The following CEP63 variants were observed in gnomAD, a reference collection of about 807,000 sequenced individuals.
CEP63 encodes centrosomal protein of 63 kDa.
In CEP63, 84 loss-of-function variants were observed where a neutral mutation model predicts 89.1. The observed-to-expected ratio is 0.94, with a 90% CI of 0.79 to 1.13. The LOEUF is 1.13. Among genes scored for constraint, CEP63 ranks in the 50% most tolerant of loss-of-function variants. The probability of loss-of-function intolerance (pLI) is 0.00; values close to 1 mark genes in which losing one functional copy is unlikely to be tolerated. For synonymous variants in CEP63, 267 were observed against 272.5 expected (o/e 0.98, Z 0.20); for missense variants, 838 against 813.3 (o/e 1.03, Z -0.37).
At chr3:134,725,144 T>C in the CEP63 span, among the ~76,000 whole-genome samples, 2 of 152,232 alleles carry the variant, frequency 1.3e-5, no homozygotes, top group Non-Finnish European at 2.9e-5. Flanking sequence ...TTTTAAAATA[T>C]ATAATTTTTC....
At chr3:134,575,116 C>CTTCCTTCCTTCCTTCT (rs1553797524), downstream of CEP63, 251 of 274,836 alleles carry the variant, frequency 9.1e-4, 1 homozygote, top group African/African-American at 4.9e-3. Context: ...AAGATAACTC[C>CTTCCTTCCTTCCTTCT]TTCCTTCCTT....
At chr3:134,644,338 C>T in the CEP63 span, among the ~76,000 whole-genome samples, 1 of 152,232 alleles carries the variant, frequency 6.6e-6, no homozygotes, top group African/African-American at 2.4e-5. Context: ...GGAGTGATGC[C>T]TAGTTCCTGC....
chr3:134,651,244 G>T, the CEP63 span: 1 of 1,236,214 alleles, frequency 8.1e-7, no homozygotes, highest in Non-Finnish European at 1.0e-6. Flanking sequence ...ATAGTCAGCA[G>T]GGGCGGCCGG....
At chr3:134,504,704 A>AT (rs1211997167) in intron 2 of CEP63, among the ~76,000 whole-genome samples, 2 of 82,436 alleles carry the variant, frequency 2.4e-5, no homozygotes, top group African/African-American at 3.8e-5. Context: ...TTCTGTACCT[A>AT]TGCCATCTTT....
intron 1 of CEP63, among the ~76,000 whole-genome samples, chr3:134,491,750 A>G (rs1937599075): frequency 1.3e-5 from 2 of 152,220 alleles, no homozygotes; most frequent in Admixed American, 6.5e-5. Context: ...TATATCTGAC[A>G]CAATCATAGA....
chr3:134,578,336 T>TGTTTG (rs143434459), downstream of CEP63, among the ~76,000 whole-genome samples: 3 of 136,784 alleles, frequency 2.2e-5, no homozygotes, highest in Non-Finnish European at 3.1e-5. Flanking sequence ...TTTTTTTTTT[T>TGTTTG]TTTTTTTTTT....
In CEP63 at chr3:134,531,907, A is replaced by G; in HGVS notation, c.285A>G (p.Glu95=). 1 of 1,613,366 alleles carries G rather than the reference A, an allele frequency of 6.2e-7. No homozygotes were observed. The highest frequency in any genetic ancestry group is 1.1e-5 in the South Asian group (1 of 91,068). Residue 95 remains glutamate, a synonymous_variant, in exon 4 of 15, where the codon GAA becomes GAG. Transcript: ENST00000675561. ...AAATCAAGCAAGAGATGACCATGGA[A>G]TATAAGCAGGAGTTGAAGAAACTAC... The part of the protein sequence containing the change: ...HEKIKQEMTM[E]YKQELKKLHE...
the CEP63 span, chr3:134,619,041 TG>T: frequency 3.4e-6 from 3 of 885,704 alleles, no homozygotes; most frequent in Non-Finnish European, 5.6e-6. Context: ...GAGCAGAGTT[TG>T]TAAACTCAGG....
the CEP63 span, among the ~76,000 whole-genome samples, chr3:134,745,469 C>T: frequency 6.6e-6 from 1 of 152,144 alleles, no homozygotes; most frequent in South Asian, 2.1e-4. Context: ...GGGAAAGATA[C>T]TTTTACTCAT....
At chr3:134,755,340 G>A in the CEP63 span, among the ~76,000 whole-genome samples, 1 of 152,192 alleles carries the variant, frequency 6.6e-6, no homozygotes, top group Non-Finnish European at 1.5e-5. Context: ...CTCTAGTGGA[G>A]AGTCTGTGAA....
the CEP63 span, among the ~76,000 whole-genome samples, chr3:134,701,255 T>C: frequency 8.1e-6 from 1 of 124,188 alleles, no homozygotes; most frequent in Non-Finnish European, 1.7e-5. Flanking sequence ...TATATACATA[T>C]ACACATATAT....
chr3:134,544,370 C>T (rs906439547), intron 6 of CEP63, among the ~76,000 whole-genome samples: 1 of 152,066 alleles, frequency 6.6e-6, no homozygotes, highest in African/African-American at 2.4e-5. Context: ...GATGCATAGC[C>T]TAAAACATAG....
chr3:134,529,157 C>T (rs1949342606), intron 3 of CEP63, among the ~76,000 whole-genome samples: 1 of 151,986 alleles, frequency 6.6e-6, no homozygotes, highest in African/African-American at 2.4e-5. Context: ...GTATAGTATA[C>T]TTTTTATATC....
chr3:134,539,064 C>A lies in CEP63; in HGVS notation c.555+1796C>A, dbSNP rs1325238030. The stretch of plus-strand genomic sequence containing the variant: ...GTCTGATTGTTTAATAAAAATGTTA[C>A]ATATAAATGTATTTATCCTTCTCCC... On this transcript the variant is annotated intron_variant, in intron 6 of 14. Coordinates refer to ENST00000675561, the MANE Select transcript of CEP63 (RefSeq NM_001353108.3). Among the ~76,000 whole-genome samples, 5 of 152,182 alleles carry A rather than the reference C, an allele frequency of 3.3e-5. No homozygotes were observed. In the East Asian group the frequency reaches 9.7e-4, roughly 29 times the overall value.
the CEP63 span, among the ~76,000 whole-genome samples, chr3:134,698,944 A>G: frequency 6.6e-5 from 10 of 152,088 alleles, no homozygotes; most frequent in Non-Finnish European, 1.5e-4. Context: ...TCTTTTTCCA[A>G]AGTGGATGGT....
the CEP63 span, among the ~76,000 whole-genome samples, chr3:134,601,811 AC>A: frequency 6.6e-6 from 1 of 152,018 alleles, no homozygotes; most frequent in Non-Finnish European, 1.5e-5. Context: ...GGCAGTGGGG[AC>A]TTTTAGGGGA....
the CEP63 span, among the ~76,000 whole-genome samples, chr3:134,595,046 C>T: frequency 3.3e-5 from 5 of 152,196 alleles, no homozygotes; most frequent in Admixed American, 6.5e-5. Context: ...GAAGCCAGTG[C>T]TCCCCACTGG....
chr3:134,584,799 A>G (rs1008796000), intron 10 of CEP63, among the ~76,000 whole-genome samples: 6 of 152,182 alleles, frequency 3.9e-5, no homozygotes, highest in Middle Eastern at 6.8e-3. Context: ...CTGTGAATCC[A>G]TCTGGTCCTG....
intron 3 of CEP63, among the ~76,000 whole-genome samples, chr3:134,508,524 TTGAAA>T (rs1206027130): frequency 6.6e-6 from 1 of 152,204 alleles, no homozygotes; most frequent in Non-Finnish European, 1.5e-5. Flanking sequence ...GTTTAGCAAG[TTGAAA>T]TGAAAGTGGT....
Sources: gnomAD v4.1 joint callset for allele counts (sites outside exome capture counted in the v4.1 genomes callset) on GRCh38, gnomAD v4.1.1 for gene constraint, MANE v1.5 for transcripts, NCBI Gene and HGNC (gene_info 2026-07-23, HGNC 2026-07-21) for gene names.